Variants in RALGDS observed in about 807,000 individuals in gnomAD.
RALGDS encodes ral guanine nucleotide exchange factor.
RALGDS carries 44 observed loss-of-function variants against 99.8 expected under a neutral mutation model. That is an observed-to-expected ratio of 0.44 (90% CI 0.35 to 0.57). The LOEUF is 0.57. Ranked by LOEUF, RALGDS falls within the 20% of genes least tolerant of loss-of-function variation. The pLI, the probability that RALGDS is intolerant of heterozygous loss-of-function variation, is 0.01. For missense variants in RALGDS, 1,022 were observed against 1,203.1 expected (o/e 0.85, Z 2.23); for synonymous variants, 529 against 505.0 (o/e 1.05, Z -0.64).
rs146478788 is a variant in RALGDS, at chr9:133,099,727, G to T, written c.2569+541C>A. The T allele has an allele frequency of 9.9e-5, 17 of 171,476 alleles. No individual in the cohort carries two copies. The East Asian group carries it at 2.5e-3, about 25-fold the overall frequency. 10.6% of individuals were successfully genotyped at this position (171,476 alleles called of 1,614,324 possible). ...CTGGCTACTTTCATTTCCATTTGGG[G>T]GATGAGAAGACAAGCACAGAGGGCT... On this transcript the variant is annotated intron_variant, in intron 17 of 17. Coordinates refer to ENST00000372050, the MANE Select transcript of RALGDS (RefSeq NM_006266.4).
chr9:133,126,183 C>T (rs746562008), upstream of RALGDS, among the ~76,000 whole-genome samples: 4 of 151,526 alleles, frequency 2.6e-5, no homozygotes, highest in Admixed American at 2.0e-4. Context: ...CCCCAGCTCA[C>T]GCCCCCCCAC....
chr9:133,101,029 A>G (rs1186882514), intron 16 of RALGDS: 8 of 1,060,634 alleles, frequency 7.5e-6, no homozygotes, highest in African/African-American at 3.4e-5. Context: ...AGGCAAACCC[A>G]TTCTGTGAGC....
chr9:133,122,960 T>A (rs1362129680), upstream of RALGDS, among the ~76,000 whole-genome samples: 1 of 152,094 alleles, frequency 6.6e-6, no homozygotes, highest in Non-Finnish European at 1.5e-5. Flanking sequence ...CGCCTCGGCC[T>A]CCCAAAGAGC....
At position 133,107,332 on chromosome 9, in the gene RALGDS, G is replaced by C. The variant is rs1462239761; in HGVS notation, c.1198-32C>G. The stretch of plus-strand genomic sequence containing the variant: ...AGGAGGCTAAATGTCACCTGGTCCT[G>C]CCCCAGCAGTCTGGGCTGGTGCTGG... On this transcript the variant is annotated intron_variant, in intron 6 of 17. Coordinates refer to ENST00000372050, the MANE Select transcript of RALGDS (RefSeq NM_006266.4). 4 of 1,569,198 alleles carry C rather than the reference G, an allele frequency of 2.5e-6. No individual in the cohort carries two copies. In the South Asian group the frequency reaches 4.5e-5, roughly 18 times the overall value.
chr9:133,129,449 C>A, intron 1 of RALGDS: 10 of 1,388,912 alleles, frequency 7.2e-6, no homozygotes, highest in Non-Finnish European at 9.3e-6. Context: ...GGCTGTCATA[C>A]CTGCTGCTGT....
intron 3 of RALGDS, among the ~76,000 whole-genome samples, chr9:133,110,038 C>A (rs1373497076): frequency 6.6e-6 from 1 of 152,150 alleles, no homozygotes; most frequent in Non-Finnish European, 1.5e-5. Context: ...CCATGGGGGA[C>A]AGGAAAATCA....
Position 133,107,086 on chromosome 9 carries a change from C to T in RALGDS, c.1412G>A (p.Arg471Lys). The T allele has an allele frequency of 6.2e-7, 1 of 1,613,422 alleles. No homozygotes were observed. The highest frequency in any genetic ancestry group is 8.5e-7 in the Non-Finnish European group (1 of 1,180,040). The part of the protein sequence containing the change: ...RVVEHWIEVA[R>K]ECRILKNFSS... ...GCCCAGGCCCCTCCTCTGGCATACC[C>T]TGGCCACCTCGATCCAGTGCTCCAC... The change falls in exon 7 of 18, where the codon AGG becomes AAG. Residue 471 changes from arginine to lysine, a missense_variant and splice_region_variant. Arg to Lys is a conservative substitution (Grantham distance 26). Around this residue, in one of 3 missense-constraint regions of RALGDS, gnomAD observed 825 missense variants for 994.5 expected, o/e 0.83. Transcript: ENST00000372050.
upstream of RALGDS, among the ~76,000 whole-genome samples, chr9:133,134,869 G>C: frequency 6.6e-6 from 1 of 152,186 alleles, no homozygotes; most frequent in Non-Finnish European, 1.5e-5. Context: ...TGAGGATGAA[G>C]CTCAGAGATG....
At position 133,139,294 on chromosome 9, in the gene RALGDS, G is replaced by A. The variant is rs145008999; in HGVS notation, c.18+9669C>T. 3.4e-3 allele frequency among the ~76,000 whole-genome samples: 520 copies of A among 152,324 alleles called. 7 individuals are homozygous for A. Among genetic ancestry groups the A allele is most frequent in the African/African-American group, 0.012 (503 of 41,568 alleles). ...CAGACAGCAATCTCCTCAGGGCTGC[G>A]GAGAGGGGAGGAGGCAGGGCTCCAT... On this transcript the variant is annotated intron_variant, in intron 1 of 17. Coordinates refer to the RALGDS transcript ENST00000393160.
At chr9:133,111,203 A>C (rs987796512) in intron 2 of RALGDS, among the ~76,000 whole-genome samples, 11 of 152,028 alleles carry the variant, frequency 7.2e-5, no homozygotes, top group African/African-American at 7.3e-5. Flanking sequence ...CTCTAACAAA[A>C]TATCCCCATT....
Position 133,098,058 on chromosome 9 carries a change from T to G in RALGDS, c.*529A>C. ...CTCTGCTCCCAGGGGAGGGCTGGGGTAAGCGGTGGGTGAGACTCCCTCACT... is the reference window on the plus strand; with the variant it reads ...CTCTGCTCCCAGGGGAGGGCTGGGGGAAGCGGTGGGTGAGACTCCCTCACT... On this transcript the variant is annotated 3_prime_UTR_variant, in exon 18 of 18. Coordinates refer to ENST00000372050, the MANE Select transcript of RALGDS (RefSeq NM_006266.4). The G allele has an allele frequency of 3.9e-6, 1 of 254,222 alleles. No individual in the cohort carries two copies. The highest frequency in any genetic ancestry group is 7.7e-6 in the Non-Finnish European group (1 of 130,358). The allele number at this position is 254,222 out of a possible 1,614,324, so 15.7% of individuals were successfully genotyped here.
chr9:133,105,896 C>CCCCAGCCCCA (rs1564232288), intron 9 of RALGDS, 36 bp downstream of exon 9: 1 of 64,464 alleles, frequency 1.6e-5, no homozygotes, highest in African/African-American at 7.4e-5. Flanking sequence ...CCCCAGCCCC[C>CCCCAGCCCCA]GCCCCAGCCC....
rs562610766 is a variant in RALGDS, at chr9:133,101,354, C to G, written c.2454+166G>C. On this transcript the variant is annotated intron_variant, in intron 16 of 17. Transcript: ENST00000372050. ...CTTTCCTCCCCCTCTGCCCTCAGGC[C>G]AGCCTTGTCCCTGATCACTACCTTC... 3.3e-6 allele frequency: 5 copies of G among 1,514,830 alleles called. No homozygotes were observed. In the African/African-American group the frequency reaches 5.5e-5, roughly 17 times the overall value. The allele number at this position is 1,514,830 out of a possible 1,614,324, so 93.8% of individuals were successfully genotyped here. A position where few individuals can be genotyped will look rare whatever the true frequency, so the allele number is the denominator to read the frequency against.
chr9:133,103,824 G>A lies in RALGDS; in HGVS notation c.1681C>T (p.Gln561Ter). 6.2e-7 allele frequency: 1 copy of A among 1,613,114 alleles called. No homozygotes were observed. The highest frequency in any genetic ancestry group is 8.5e-7 in the Non-Finnish European group (1 of 1,179,850). The stretch of plus-strand genomic sequence containing the variant: ...GTGCCCAGGTAGGGAACGGTGCCCT[G>A]GATGATGCCCTGTGACATTGGGGTA... ...QKRPKETGIIQGTVPYLGTFL... is the reference protein window; with the variant it reads ...QKRPKETGII The change falls in exon 11 of 18, where the codon CAG becomes TAG. Residue 561 changes from glutamine (Q) to a stop codon, truncating the protein, a stop_gained. Transcript: ENST00000372050. LOFTEE classifies it high-confidence loss of function.
At chr9:133,102,955 G>A (rs1057128703) in intron 12 of RALGDS, 55 bp from the exon 13 acceptor site, 1 of 1,605,296 alleles carries the variant, frequency 6.2e-7, no homozygotes, top group Non-Finnish European at 8.5e-7. Flanking sequence ...CAGCACAGGG[G>A]CCAGTCTCTG....
At chr9:133,100,188 G>A in intron 17 of RALGDS, 80 bp downstream of exon 17, 1 of 1,307,660 alleles carries the variant, frequency 7.6e-7, no homozygotes, top group East Asian at 2.3e-5. Flanking sequence ...AATTTTCTGG[G>A]GCCAAAGGCT....
chr9:133,101,150 C>T (rs760616852), intron 16 of RALGDS: 100 of 1,172,296 alleles, frequency 8.5e-5, no homozygotes, highest in Non-Finnish European at 1.0e-4. Flanking sequence ...CCCTGCGGCT[C>T]TGGTACCAGC....
Position 133,098,289 on chromosome 9 carries a change from G to A in RALGDS, c.*298C>T. 2.1e-6 allele frequency: 1 copy of A among 478,538 alleles called. No homozygotes were observed. The highest frequency in any genetic ancestry group is 3.9e-6 in the Non-Finnish European group (1 of 258,140). The allele number at this position is 478,538 out of a possible 1,614,324, so 29.6% of individuals were successfully genotyped here. A position where few individuals can be genotyped will look rare whatever the true frequency, so the allele number is the denominator to read the frequency against. On this transcript the variant is annotated 3_prime_UTR_variant, in exon 18 of 18. Transcript: ENST00000372050. ...AGGTGTCAGGGAAGTGTACAGAGGTGGCGCCCGGGGGCAGGCAGGGCACCA... is the reference window on the plus strand; with the variant it reads ...AGGTGTCAGGGAAGTGTACAGAGGTAGCGCCCGGGGGCAGGCAGGGCACCA...
chr9:133,128,991 G>A lies in RALGDS; in HGVS notation c.132+1961C>T, dbSNP rs1216000584. On this transcript the variant is annotated intron_variant, in intron 1 of 17. Transcript: ENST00000372062. ...CTCTCTCATACCCGAGATGGGAGATGAAGACTCCCCTGTGAGTTCCAAACT... is the reference window on the plus strand; with the variant it reads ...CTCTCTCATACCCGAGATGGGAGATAAAGACTCCCCTGTGAGTTCCAAACT... 6 of 1,003,378 alleles carry A rather than the reference G, an allele frequency of 6.0e-6. No homozygotes were observed. In the East Asian group the frequency reaches 1.3e-4, roughly 22 times the overall value. 62.2% of individuals were successfully genotyped at this position (1,003,378 alleles called of 1,614,324 possible).
Sources: allele counts gnomAD v4.1 joint callset (sites outside exome capture counted in the v4.1 genomes callset), GRCh38; gene constraint gnomAD v4.1.1; regional missense constraint gnomAD v4.1.1; transcripts MANE v1.5; gene names NCBI Gene and HGNC (gene_info 2026-07-23, HGNC 2026-07-21).